RAB3IL1: variants seen among roughly 807,000 people sequenced by gnomAD.
RAB3IL1 encodes the protein guanine nucleotide exchange factor for Rab-3A.
RAB3IL1 carries 37 observed loss-of-function variants against 49.2 expected under a neutral mutation model. The observed-to-expected ratio is 0.75, with a 90% CI of 0.58 to 0.99. The LOEUF (loss-of-function observed/expected upper bound fraction) is 0.99, where lower values mean the gene tolerates loss of function less well. Among genes scored for constraint, RAB3IL1 ranks in the 50% least tolerant of loss-of-function variants. The pLI, the probability that RAB3IL1 is intolerant of heterozygous loss-of-function variation, is 0.00. For synonymous variants in RAB3IL1, 193 were observed against 213.9 expected, an observed-to-expected ratio of 0.90 and a Z score of 0.85; for missense variants, 484 against 513.0, an observed-to-expected ratio of 0.94 and a Z score of 0.55.
the RAB3IL1 span, among the ~76,000 whole-genome samples, chr11:61,940,784 G>A: frequency 6.6e-6 from 1 of 152,090 alleles, no homozygotes; most frequent in African/African-American, 2.4e-5. Flanking sequence ...GCGGGGCATG[G>A]TGGCACTTGC....
At chr11:61,917,255 G>A (rs948713905) in intron 1 of RAB3IL1, 102 bp downstream of exon 1, 1 of 1,310,870 alleles carries the variant, frequency 7.6e-7, no homozygotes, top group Non-Finnish European at 9.7e-7. Context: ...CAGCACCTCC[G>A]GGTGGCGGCG....
the RAB3IL1 span, among the ~76,000 whole-genome samples, chr11:61,946,212 G>A: frequency 6.6e-6 from 1 of 152,088 alleles, no homozygotes; most frequent in African/African-American, 2.4e-5. Flanking sequence ...CATAAAGCCT[G>A]GAGGCAGCAT....
chr11:61,919,837 C>T (rs1565370158), upstream of RAB3IL1, among the ~76,000 whole-genome samples: 1 of 152,322 alleles, frequency 6.6e-6, no homozygotes, highest in Admixed American at 6.5e-5. Flanking sequence ...TCTGGACTTA[C>T]AGGTGTGTCC....
chr11:61,914,346 T>A (rs1178171834), intron 1 of RAB3IL1, among the ~76,000 whole-genome samples: 10 of 152,116 alleles, frequency 6.6e-5, no homozygotes, highest in Admixed American at 2.6e-4. Context: ...TAGCCATAGG[T>A]ATGATGAGCC....
At chr11:61,944,209 C>CCCTT in the RAB3IL1 span, among the ~76,000 whole-genome samples, 1 of 32,172 alleles carries the variant, frequency 3.1e-5, no homozygotes, top group African/African-American at 5.9e-5. Flanking sequence ...TCCTTTCCTT[C>CCCTT]CCTTCCTTCC....
At chr11:61,914,678 G>C (rs1939602248) in intron 1 of RAB3IL1, among the ~76,000 whole-genome samples, 2 of 149,430 alleles carry the variant, frequency 1.3e-5, no homozygotes, top group Admixed American at 6.6e-5. Context: ...GCAGAGTCCA[G>C]CCACTGCCGC....
At position 61,908,240 on chromosome 11, in the gene RAB3IL1, C is replaced by G. The variant is rs1565363573; in HGVS notation, c.78G>C (p.Thr26=). The change falls in exon 2 of 10, where the codon ACG becomes ACC. Residue 26 remains threonine, a synonymous_variant. Transcript: ENST00000394836. ...LAAVPVPWKS[T]DPCQGHRESP... is the part of the protein sequence containing the mutation. ...ACTCCCTGTGGCCTTGGCAGGGGTCCGTGCTCTTCCAGGGGACCGGGACAG... is the reference window on the plus strand; with the variant it reads ...ACTCCCTGTGGCCTTGGCAGGGGTCGGTGCTCTTCCAGGGGACCGGGACAG... The G allele has an allele frequency of 2.6e-6, 4 of 1,533,130 alleles. No homozygotes were observed. The South Asian group carries it at 4.8e-5, about 18-fold the overall frequency. The allele number at this position is 1,533,130 out of a possible 1,614,324, so 95.0% of individuals were successfully genotyped here. A position where few individuals can be genotyped will look rare whatever the true frequency, so the allele number is the denominator to read the frequency against.
the RAB3IL1 span, among the ~76,000 whole-genome samples, chr11:61,944,209 C>CCCTTCCCTCCTT: frequency 4.7e-3 from 150 of 32,156 alleles, no homozygotes; most frequent in African/African-American, 7.8e-3. Flanking sequence ...TCCTTTCCTT[C>CCCTTCCCTCCTT]CCTTCCTTCC....
chr11:61,901,875 A>G (rs1177030516), intron 8 of RAB3IL1, among the ~76,000 whole-genome samples: 2 of 152,256 alleles, frequency 1.3e-5, no homozygotes, highest in Non-Finnish European at 2.9e-5. Context: ...AGTAGTGCTT[A>G]GACTCCAACA....
At chr11:61,936,876 C>G in the RAB3IL1 span, among the ~76,000 whole-genome samples, 1 of 152,018 alleles carries the variant, frequency 6.6e-6, no homozygotes, top group Middle Eastern at 3.2e-3. Flanking sequence ...AAAAGGAGAA[C>G]TCAAGACATC....
intron 5 of RAB3IL1, 53 bp from the exon 6 acceptor site, chr11:61,904,935 T>C (rs539757775): frequency 1.0e-5 from 14 of 1,390,084 alleles, no homozygotes; most frequent in South Asian, 8.2e-5. Flanking sequence ...GGGGCCAGCA[T>C]AGAAGATGCA....
Position 61,897,995 on chromosome 11 carries a change from A to C in RAB3IL1, c.*283T>G, listed in dbSNP as rs1231770398. On this transcript the variant is annotated 3_prime_UTR_variant, in exon 10 of 10. Transcript: ENST00000394836. ...CCCTCCCAAGGGCTGAGGCCCCCCG[A>C]GTATGGATCCGAGCTCCCTGGTCTT... The C allele has an allele frequency of 2.5e-6, 1 of 406,894 alleles. No homozygotes were observed. Among genetic ancestry groups the C allele is most frequent in the Non-Finnish European group, 4.5e-6 (1 of 222,110 alleles). 25.2% of individuals were successfully genotyped at this position (406,894 alleles called of 1,614,324 possible).
At position 61,902,540 on chromosome 11, in the gene RAB3IL1, T is replaced by C. The variant is rs142156400; in HGVS notation, c.901A>G (p.Thr301Ala). ...VAEVDCSSTN[T>A]CALSGLTRTC... is the part of the protein sequence containing the mutation. Reference sequence around the variant, plus strand: ...CGGGTCAGCCCGCTCAGGGCACATGTGCTAGGGGAAAGCAAAATGGGTCAC... The same window carrying C: ...CGGGTCAGCCCGCTCAGGGCACATGCGCTAGGGGAAAGCAAAATGGGTCAC... Residue 301 changes from threonine to alanine, a missense_variant and splice_region_variant, in exon 8 of 10, where the codon ACA becomes GCA. Coordinates refer to ENST00000394836, the MANE Select transcript of RAB3IL1 (RefSeq NM_013401.4). The C allele has an allele frequency of 6.3e-7, 1 of 1,595,992 alleles. No homozygotes were observed. The highest frequency in any genetic ancestry group is 8.5e-7 in the Non-Finnish European group (1 of 1,173,342).
At chr11:61,935,036 T>C in the RAB3IL1 span, among the ~76,000 whole-genome samples, 1 of 152,210 alleles carries the variant, frequency 6.6e-6, no homozygotes, top group African/African-American at 2.4e-5. Flanking sequence ...CCAGAGTTGC[T>C]ACATTTAAAT....
chr11:61,918,545 A>G (rs1939807550), upstream of RAB3IL1, among the ~76,000 whole-genome samples: 1 of 152,266 alleles, frequency 6.6e-6, no homozygotes, highest in African/African-American at 2.4e-5. Flanking sequence ...CCATCTGAGC[A>G]TAGACTATGG....
intron 8 of RAB3IL1, 78 bp from the exon 9 acceptor site, chr11:61,899,458 G>A: frequency 7.0e-7 from 1 of 1,423,482 alleles, no homozygotes; most frequent in East Asian, 2.4e-5. Context: ...TGAGTCCAGA[G>A]CAGGAGGCCC....
intron 1 of RAB3IL1, among the ~76,000 whole-genome samples, chr11:61,917,109 A>G (rs950921050): frequency 3.3e-5 from 5 of 152,116 alleles, no homozygotes; most frequent in African/African-American, 1.2e-4. Context: ...TGATGAGCTA[A>G]GAGGAGTTGA....
the RAB3IL1 span, among the ~76,000 whole-genome samples, chr11:61,935,620 C>T: frequency 6.6e-6 from 1 of 151,816 alleles, no homozygotes; most frequent in Admixed American, 6.6e-5. Context: ...GTTCAAGTGA[C>T]TCTACTGCCT....
At chr11:61,934,444 G>GTGTGTATGTGTATGTATGTATGTA in the RAB3IL1 span, among the ~76,000 whole-genome samples, 1 of 83,662 alleles carries the variant, frequency 1.2e-5, no homozygotes, top group Non-Finnish European at 2.5e-5. Context: ...GTGTGTGTGT[G>GTGTGTATGTGTATGTATGTATGTA]TGTATGTATA....
Sources: allele counts gnomAD v4.1 joint callset (sites outside exome capture counted in the v4.1 genomes callset), GRCh38; gene constraint gnomAD v4.1.1; transcripts MANE v1.5; gene names NCBI Gene and HGNC (gene_info 2026-07-23, HGNC 2026-07-21).